The following PGPEP1 variants were observed in gnomAD, a reference collection of about 807,000 sequenced individuals.
The protein encoded by PGPEP1 is pyroglutamyl-peptidase 1.
PGPEP1 carries 15 observed loss-of-function variants against 24.1 expected under a neutral mutation model. The observed-to-expected ratio is 0.62, with a 90% confidence interval of 0.42 to 0.96. The LOEUF is 0.96. Among genes scored for constraint, PGPEP1 ranks in the 40% least tolerant of loss-of-function variants. PGPEP1 has a pLI of 0.00. For missense variants in PGPEP1, 242 were observed against 273.4 expected, an observed-to-expected ratio of 0.89 and a Z score of 0.81; for synonymous variants, 122 against 116.4, an observed-to-expected ratio of 1.05 and a Z score of -0.31.
chr19:18,342,801 A>AG, intron 1 of PGPEP1, 58 bp from the exon 2 acceptor site: 1 of 1,362,380 alleles, frequency 7.3e-7, no homozygotes, highest in African/African-American at 1.4e-5. Context: ...CGGCCAGGCC[A>AG]GGGGCAGACT....
At chr19:18,358,509 C>G (rs1971255946) in intron 4 of PGPEP1, among the ~76,000 whole-genome samples, 3 of 152,104 alleles carry the variant, frequency 2.0e-5, no homozygotes, top group East Asian at 3.9e-4. Flanking sequence ...ATGCACCCAC[C>G]TCTGCCTCCC....
Position 18,369,242 on chromosome 19 carries a change from A to G in PGPEP1, c.*5659A>G, listed in dbSNP as rs1157020329. On this transcript the variant is annotated 3_prime_UTR_variant, in exon 5 of 5. Transcript: ENST00000269919. ...AGCTGAGTGGGGGGGGACTCCCAGGACTTGAGGGACCCAGTCCCACCCCAA... is the reference window on the plus strand; with the variant it reads ...AGCTGAGTGGGGGGGGACTCCCAGGGCTTGAGGGACCCAGTCCCACCCCAA... The G allele has an allele frequency of 6.6e-6, 1 of 152,206 alleles. No individual in the cohort carries two copies. Among genetic ancestry groups the G allele is most frequent in the Non-Finnish European group, 1.5e-5 (1 of 68,110 alleles). The allele number at this position is 152,206 out of a possible 1,614,324, so 9.4% of individuals were successfully genotyped here. A position where few individuals can be genotyped will look rare whatever the true frequency, so the allele number is the denominator to read the frequency against.
At position 18,366,379 on chromosome 19, in the gene PGPEP1, G is replaced by A. The variant is rs997819577; in HGVS notation, c.*2796G>A. 5 of 152,206 alleles carry A rather than the reference G, an allele frequency of 3.3e-5. No homozygotes were observed. Among genetic ancestry groups the A allele is most frequent in the African/African-American group, 1.2e-4 (5 of 41,448 alleles). 9.4% of individuals were successfully genotyped at this position (152,206 alleles called of 1,614,324 possible). On this transcript the variant is annotated 3_prime_UTR_variant, in exon 5 of 5. Transcript: ENST00000269919. The stretch of plus-strand genomic sequence containing the variant: ...TGTGTGTCATCTTTGTATTCTTGCA[G>A]TGGTTTCACATTTCCTTACCCAGTC...
intron 2 of PGPEP1, among the ~76,000 whole-genome samples, chr19:18,344,914 G>T (rs1354235893): frequency 3.9e-5 from 6 of 152,114 alleles, no homozygotes; most frequent in African/African-American, 2.4e-5. Context: ...GGATGGTGAA[G>T]GATGGCAGCT....
chr19:18,347,293 A>T, intron 2 of PGPEP1, among the ~76,000 whole-genome samples: 2 of 7,814 alleles, frequency 2.6e-4, no homozygotes, highest in South Asian at 5.1e-3. Context: ...TTTTTTGTAG[A>T]GATGGGATTT....
intron 2 of PGPEP1, among the ~76,000 whole-genome samples, chr19:18,349,902 G>A (rs1158965158): frequency 6.6e-6 from 1 of 151,870 alleles, no homozygotes; most frequent in Non-Finnish European, 1.5e-5. Flanking sequence ...GGGCTTTTTG[G>A]TCTTTTTTCG....
intron 2 of PGPEP1, among the ~76,000 whole-genome samples, chr19:18,347,458 A>G (rs931542872): frequency 1.4e-5 from 2 of 146,314 alleles, no homozygotes; most frequent in African/African-American, 5.0e-5. Context: ...GGGTCTTACT[A>G]TCTCTTCCCC....
At chr19:18,358,387 AG>A (rs1288953552) in intron 4 of PGPEP1, among the ~76,000 whole-genome samples, 1 of 148,754 alleles carries the variant, frequency 6.7e-6, no homozygotes, top group Non-Finnish European at 1.5e-5. Context: ...CAGCCTCCCA[AG>A]TAGCTGGGAT....
chr19:18,341,801 A>T (rs1253760717), intron 1 of PGPEP1, among the ~76,000 whole-genome samples: 1 of 152,114 alleles, frequency 6.6e-6, no homozygotes, highest in Non-Finnish European at 1.5e-5. Context: ...GTACAGAAGG[A>T]TAGAGTTAGG....
chr19:18,352,439 A>G (rs1200464691), intron 2 of PGPEP1, among the ~76,000 whole-genome samples: 3 of 151,796 alleles, frequency 2.0e-5, no homozygotes, highest in Admixed American at 1.3e-4. Flanking sequence ...TCAAAAAAAA[A>G]AAAGAAAGAA....
chr19:18,363,876 C>T lies in PGPEP1; in HGVS notation c.*293C>T, dbSNP rs1210339342. The T allele has an allele frequency of 9.8e-6, 3 of 305,650 alleles. No homozygotes were observed. Among genetic ancestry groups the T allele is most frequent in the Non-Finnish European group, 1.8e-5 (3 of 162,390 alleles). The allele number at this position is 305,650 out of a possible 1,614,324, so 18.9% of individuals were successfully genotyped here. Reference sequence around the variant, plus strand: ...CCAGATGCCCAGGGAGAATCTTGGTCTGGTGAATCCATGAGCTGCGATACC... The same window carrying T: ...CCAGATGCCCAGGGAGAATCTTGGTTTGGTGAATCCATGAGCTGCGATACC... On this transcript the variant is annotated 3_prime_UTR_variant, in exon 5 of 5. Coordinates refer to ENST00000269919, the MANE Select transcript of PGPEP1 (RefSeq NM_017712.4).
intron 4 of PGPEP1, chr19:18,358,127 T>G (rs1376079462): frequency 5.4e-6 from 1 of 184,032 alleles, no homozygotes; most frequent in Non-Finnish European, 1.2e-5. Flanking sequence ...ATCCTTGGCT[T>G]GTAGACACAT....
chr19:18,344,602 T>C (rs181752148), intron 2 of PGPEP1, among the ~76,000 whole-genome samples: 2,744 of 144,426 alleles, frequency 0.019, 94 homozygotes, highest in African/African-American at 0.064. Context: ...TTTTTTTTTT[T>C]CTTTCCTGCC....
At chr19:18,358,491 C>T (rs746268103) in intron 4 of PGPEP1, among the ~76,000 whole-genome samples, 74 of 151,922 alleles carry the variant, frequency 4.9e-4, no homozygotes, top group Non-Finnish European at 9.7e-4. Flanking sequence ...AACTCCCGAC[C>T]TCAGGTGATG....
chr19:18,360,632 C>A (rs988680306), intron 4 of PGPEP1, among the ~76,000 whole-genome samples: 1 of 152,082 alleles, frequency 6.6e-6, no homozygotes, highest in Non-Finnish European at 1.5e-5. Context: ...TCAAGCGATT[C>A]TCCTGCCTCA....
chr19:18,343,125 G>C (rs775081476), intron 2 of PGPEP1, among the ~76,000 whole-genome samples: 11 of 151,924 alleles, frequency 7.2e-5, no homozygotes, highest in Middle Eastern at 3.4e-3. Flanking sequence ...TCAGCCTCCA[G>C]AGTGGCAGAG....
intron 4 of PGPEP1, among the ~76,000 whole-genome samples, chr19:18,359,542 C>T (rs1226784450): frequency 6.9e-6 from 1 of 144,248 alleles, no homozygotes; most frequent in Non-Finnish European, 1.5e-5. Context: ...GAGTCTCGCT[C>T]TGTAGCACAG....
intron 2 of PGPEP1, among the ~76,000 whole-genome samples, chr19:18,351,620 G>T (rs1352493277): frequency 8.0e-6 from 1 of 124,504 alleles, no homozygotes; most frequent in Non-Finnish European, 1.6e-5. Context: ...GCAAAACTCC[G>T]TCTCAAAAAA....
intron 4 of PGPEP1, chr19:18,357,931 T>C: frequency 2.6e-6 from 1 of 382,418 alleles, no homozygotes; most frequent in Non-Finnish European, 4.9e-6. Context: ...GTTTCTGTGT[T>C]AATTTCCTGG....
Sources: gnomAD v4.1 joint callset for allele counts (sites outside exome capture counted in the v4.1 genomes callset) on GRCh38, gnomAD v4.1.1 for gene constraint, MANE v1.5 for transcripts, NCBI Gene and HGNC (gene_info 2026-07-23, HGNC 2026-07-21) for gene names.